Variants in CCDC136 observed in about 807,000 individuals in gnomAD.
CCDC136 encodes the protein coiled-coil domain-containing protein 136.
CCDC136 carries 100 observed loss-of-function variants against 141.2 expected under a neutral mutation model. The ratio of observed to expected loss-of-function variants is 0.71; its 90% CI spans 0.60 to 0.84. The LOEUF (loss-of-function observed/expected upper bound fraction) is 0.84, where lower values mean the gene tolerates loss of function less well. Among genes scored for constraint, CCDC136 ranks in the 40% least tolerant of loss-of-function variants. CCDC136 has a pLI of 0.00. For missense variants in CCDC136, 1,206 were observed against 1,379.4 expected, an observed-to-expected ratio of 0.87 and a Z score of 1.99; for synonymous variants, 474 against 531.9, an observed-to-expected ratio of 0.89 and a Z score of 1.50.
chr7:128,805,733 A>C lies in CCDC136; in HGVS notation c.949-28A>C. 6.2e-7 allele frequency: 1 copy of C among 1,608,390 alleles called. No homozygotes were observed. Among genetic ancestry groups the C allele is most frequent in the Non-Finnish European group, 8.5e-7 (1 of 1,177,134 alleles). On this transcript the variant is annotated intron_variant, in intron 6 of 17. Transcript: ENST00000297788. This position sits in a 1 kb window ranked among gnomAD's most constrained non-coding sequence, Gnocchi z 4.6. ...AGCATATGTGGTATCTGTAGTAAAC[A>C]AGCCTCCCTGTTCCATTTCCCACAT...
At chr7:128,808,116 A>C (rs975731238) in intron 10 of CCDC136, among the ~76,000 whole-genome samples, 13 of 152,202 alleles carry the variant, frequency 8.5e-5, no homozygotes, top group Non-Finnish European at 2.9e-5. Flanking sequence ...AGCTCACTGC[A>C]GCCTCCGCCT....
At position 128,815,856 on chromosome 7, in the gene CCDC136, G is replaced by C. The variant is rs1806534535; in HGVS notation, c.3288G>C (p.Glu1096Asp). 16 of 1,613,592 alleles carry C rather than the reference G, an allele frequency of 9.9e-6. No homozygotes were observed. The highest frequency in any genetic ancestry group is 1.4e-5 in the Non-Finnish European group (16 of 1,179,714). ...AGGAGAAGGAAGAAGACAGTGAAGA[G>C]GAGGAGGATGACGCCGACTCTTCCC... ...EEEEKEEDSE[E>D]EEDDADSSLE... Residue 1096 changes from glutamate (E) to aspartate (D), a missense_variant, in exon 16 of 18, where the codon GAG becomes GAC. Coordinates refer to ENST00000297788, the MANE Select transcript of CCDC136 (RefSeq NM_022742.5).
In CCDC136 at chr7:128,821,491, C is replaced by T. The variant is rs1807430972; in HGVS notation, c.*6-308C>T. Among the ~76,000 whole-genome samples the T allele has an allele frequency of 6.6e-6, 1 of 152,198 alleles. No individual in the cohort carries two copies. The highest frequency in any genetic ancestry group is 2.4e-5 in the African/African-American group (1 of 41,448). ...CTTGCCATGGCATCCAGTCCTTTCT[C>T]ATTGCAACCACTTGGAAGTCTGGCC... On this transcript the variant is annotated intron_variant, in intron 17 of 17. Coordinates refer to ENST00000297788, the MANE Select transcript of CCDC136 (RefSeq NM_022742.5). The surrounding 1 kb of genome is among the most constrained non-coding windows in gnomAD (Gnocchi z 5.1).
chr7:128,792,224 C>A lies in CCDC136; in HGVS notation c.-188C>A. 6.6e-7 allele frequency: 1 copy of A among 1,505,736 alleles called. No homozygotes were observed. Among genetic ancestry groups the A allele is most frequent in the Non-Finnish European group, 8.8e-7 (1 of 1,130,608 alleles). The allele number at this position is 1,505,736 out of a possible 1,614,324, so 93.3% of individuals were successfully genotyped here. Reference sequence around the variant, plus strand: ...CCACTGGGATTACAGATCCCAGAGCCTCGAGGAGCTGGAAGACATGTCCCC... The same window carrying A: ...CCACTGGGATTACAGATCCCAGAGCATCGAGGAGCTGGAAGACATGTCCCC... On this transcript the variant is annotated 5_prime_UTR_variant, in exon 1 of 18. Transcript: ENST00000297788.
intron 17 of CCDC136, among the ~76,000 whole-genome samples, chr7:128,818,715 G>T (rs1807017670): frequency 6.6e-6 from 1 of 152,180 alleles, no homozygotes; most frequent in Non-Finnish European, 1.5e-5. Flanking sequence ...TCCCACACAT[G>T]TAATGTACAC....
rs770953537 is a variant in CCDC136, at chr7:128,810,138, G to A, written c.1801-1G>A. 3 of 1,574,514 alleles carry A rather than the reference G, an allele frequency of 1.9e-6. No individual in the cohort carries two copies. The highest frequency in any genetic ancestry group is 2.6e-6 in the Non-Finnish European group (3 of 1,158,868). On this transcript the variant is annotated splice_acceptor_variant, in intron 11 of 17. Transcript: ENST00000297788. LOFTEE classifies it high-confidence loss of function. ...GCCTCCTTCCTTCTACTCCGCCTCAGAGTCAGGAGCTACTCACCAAGTTAG... is the reference window on the plus strand; with the variant it reads ...GCCTCCTTCCTTCTACTCCGCCTCAAAGTCAGGAGCTACTCACCAAGTTAG...
At position 128,805,748 on chromosome 7, in the gene CCDC136, A is replaced by G. The variant is rs967492239; in HGVS notation, c.949-13A>G. 15 of 1,610,012 alleles carry G rather than the reference A, an allele frequency of 9.3e-6. No homozygotes were observed. In the African/African-American group the frequency reaches 1.7e-4, roughly 19 times the overall value. Reference sequence around the variant, plus strand: ...TGTAGTAAACAAGCCTCCCTGTTCCATTTCCCACATAGTGTCAGGAATTGT... The same window carrying G: ...TGTAGTAAACAAGCCTCCCTGTTCCGTTTCCCACATAGTGTCAGGAATTGT... On this transcript the variant is annotated splice_polypyrimidine_tract_variant and intron_variant, in intron 6 of 17. Transcript: ENST00000297788. This position sits in a 1 kb window ranked among gnomAD's most constrained non-coding sequence, Gnocchi z 4.6.
At chr7:128,804,936 C>A (rs569913033) in intron 5 of CCDC136, among the ~76,000 whole-genome samples, 175 bp downstream of exon 5, 3 of 152,284 alleles carry the variant, frequency 2.0e-5, no homozygotes, top group South Asian at 4.1e-4. Flanking sequence ...ACATGGGGAT[C>A]CGACCCAATT....
Position 128,812,692 on chromosome 7 carries a change from C to A in CCDC136, c.2542-16C>A. ...TGCTCCTCAGGGTGCTATTGTTGCT[C>A]CCCCACCCCCCGCAGCGCTTTGAGG... On this transcript the variant is annotated splice_polypyrimidine_tract_variant and intron_variant, in intron 13 of 17. Transcript: ENST00000297788. 2 of 1,601,248 alleles carry A rather than the reference C, an allele frequency of 1.2e-6. No individual in the cohort carries two copies. Among genetic ancestry groups the A allele is most frequent in the Non-Finnish European group, 1.7e-6 (2 of 1,172,904 alleles).
intron 4 of CCDC136, among the ~76,000 whole-genome samples, chr7:128,802,219 A>G (rs1804137655): frequency 6.6e-6 from 1 of 152,186 alleles, no homozygotes; most frequent in Non-Finnish European, 1.5e-5. Flanking sequence ...GCTTTCAGAC[A>G]GTGAGTCTCC....
In CCDC136 at chr7:128,792,323, C is replaced by G; in HGVS notation, c.-89C>G. On this transcript the variant is annotated 5_prime_UTR_variant, in exon 1 of 18. Coordinates refer to ENST00000297788, the MANE Select transcript of CCDC136 (RefSeq NM_022742.5). ...CCTCCTTTCTCCCTGCTCTCAGGAC[C>G]CACAGTGACCACTCTAGGCTCCTAT... is the stretch of plus-strand genomic sequence containing the variant. 6.2e-7 allele frequency: 1 copy of G among 1,608,028 alleles called. No individual in the cohort carries two copies. Among genetic ancestry groups the G allele is most frequent in the Non-Finnish European group, 8.5e-7 (1 of 1,176,750 alleles).
chr7:128,817,913 G>A lies in CCDC136; in HGVS notation c.*5+49G>A. On this transcript the variant is annotated intron_variant, in intron 17 of 17. Coordinates refer to ENST00000297788, the MANE Select transcript of CCDC136 (RefSeq NM_022742.5). This position sits in a 1 kb window ranked among gnomAD's most constrained non-coding sequence, Gnocchi z 4.6. ...TCTGAGGGATAGAGGGAGGGTGCAG[G>A]TTGCCCTGGCCTCTCCTCTTTCCCT... The A allele has an allele frequency of 1.4e-6, 2 of 1,448,396 alleles. No homozygotes were observed. Among genetic ancestry groups the A allele is most frequent in the East Asian group, 2.3e-5 (1 of 43,978 alleles). The allele number at this position is 1,448,396 out of a possible 1,614,324, so 89.7% of individuals were successfully genotyped here.
chr7:128,802,558 G>A (rs1297477732), intron 4 of CCDC136, among the ~76,000 whole-genome samples: 3 of 152,104 alleles, frequency 2.0e-5, no homozygotes, highest in Non-Finnish European at 2.9e-5. Flanking sequence ...TCTATATCCA[G>A]GATATGAAAT....
intron 8 of CCDC136, 55 bp downstream of exon 8, chr7:128,806,450 G>A: frequency 1.3e-6 from 2 of 1,494,202 alleles, no homozygotes; most frequent in Non-Finnish European, 1.8e-6. Flanking sequence ...ATCCTTCTGA[G>A]GTTTTGGGGA....
intron 15 of CCDC136, 65 bp from the exon 16 acceptor site, chr7:128,815,549 T>C (rs1806462458): frequency 1.4e-6 from 2 of 1,470,212 alleles, no homozygotes; most frequent in Non-Finnish European, 1.8e-6. Context: ...TAGTACAGCA[T>C]TGTCATGAGA....
rs1807490496 is a variant in CCDC136, at chr7:128,821,957, C to T, written c.*164C>T. On this transcript the variant is annotated 3_prime_UTR_variant, in exon 18 of 18. Coordinates refer to ENST00000297788, the MANE Select transcript of CCDC136 (RefSeq NM_022742.5). This position sits in a 1 kb window ranked among gnomAD's most constrained non-coding sequence, Gnocchi z 5.1. ...GGGCAGATCCCCAGTGGCCACCACCCTCAGCTTTGGGCAGGACACACTGTG... is the reference window on the plus strand; with the variant it reads ...GGGCAGATCCCCAGTGGCCACCACCTTCAGCTTTGGGCAGGACACACTGTG... 7.8e-7 allele frequency: 1 copy of T among 1,289,000 alleles called. No individual in the cohort carries two copies. Among genetic ancestry groups the T allele is most frequent in the Non-Finnish European group, 1.0e-6 (1 of 988,606 alleles). The allele number at this position is 1,289,000 out of a possible 1,614,324, so 79.8% of individuals were successfully genotyped here.
rs910208668 is a variant in CCDC136, at chr7:128,815,938, A to G, written c.3363+7A>G. 1.2e-6 allele frequency: 2 copies of G among 1,606,514 alleles called. No homozygotes were observed. The highest frequency in any genetic ancestry group is 1.7e-6 in the Non-Finnish European group (2 of 1,176,340). On this transcript the variant is annotated splice_region_variant and intron_variant, in intron 16 of 17. Transcript: ENST00000297788. ...ACTTTCCGAGAGCAAAAAGGTAACC[A>G]GAGCCAAAGCCTAGATCAAGTGGGA...
rs1383317680 is a variant in CCDC136 at position 128,794,020 on chromosome 7, C to G, written c.17-328C>G. On this transcript the variant is annotated intron_variant, in intron 1 of 17. Coordinates refer to ENST00000297788, the MANE Select transcript of CCDC136 (RefSeq NM_022742.5). This position sits in a 1 kb window ranked among gnomAD's most constrained non-coding sequence, Gnocchi z 4.3. ...CCTTTCTTGACTACTTGTCCTGCTA[C>G]TCAGAGGCCAGCCTAGAAGAAGCAG... Among the ~76,000 whole-genome samples, 1 of 152,240 alleles carries G rather than the reference C, an allele frequency of 6.6e-6. No homozygotes were observed. Among genetic ancestry groups the G allele is most frequent in the South Asian group, 2.1e-4 (1 of 4,832 alleles).
rs534251395 is a variant in CCDC136 at position 128,815,718 on chromosome 7, G to T, written c.3150G>T (p.Val1050=). Residue 1050 remains valine, a synonymous_variant, in exon 16 of 18, where the codon GTG becomes GTT. Coordinates refer to ENST00000297788, the MANE Select transcript of CCDC136 (RefSeq NM_022742.5). The part of the protein sequence containing the change: ...KEEMEEEKKQ[V]KEEAKEQCGD... ...AGATGGAGGAGGAAAAAAAGCAAGT[G>T]AAAGAGGAAGCAAAGGAGCAGTGTG... The T allele has an allele frequency of 1.9e-6, 3 of 1,556,792 alleles. No individual in the cohort carries two copies. The highest frequency in any genetic ancestry group is 2.6e-6 in the Non-Finnish European group (3 of 1,150,160).
Sources: gnomAD v4.1 joint callset for allele counts (sites outside exome capture counted in the v4.1 genomes callset) on GRCh38, gnomAD v4.1.1 for gene constraint, Gnocchi (gnomAD v3.1) non-coding constraint, MANE v1.5 for transcripts, NCBI Gene and HGNC (gene_info 2026-07-23, HGNC 2026-07-21) for gene names.